The following CLECL1 variants were observed in gnomAD, a reference collection of about 807,000 sequenced individuals.
CLECL1 encodes the protein C-type lectin like 1, also known as C-type lectin-like domain family 1.
At chr12:9,729,313 A>G (rs777095566) in intron 2 of CLECL1, among the ~76,000 whole-genome samples, 4 of 152,112 alleles carry the variant, frequency 2.6e-5, no homozygotes, top group Admixed American at 2.0e-4. Flanking sequence ...CCCAACATCA[A>G]ACTGCACCAG....
upstream of CLECL1, among the ~76,000 whole-genome samples, chr12:9,734,309 C>T (rs10844632): frequency 0.31 from 47,531 of 152,036 alleles, 7,849 homozygotes; most frequent in South Asian, 0.46. Context: ...GCTTGAGCAC[C>T]GACCTCTGTC....
intron 3 of CLECL1, 88 bp from the exon 2 acceptor site, chr12:9,722,901 T>C: frequency 1.1e-6 from 1 of 911,882 alleles, no homozygotes; most frequent in Non-Finnish European, 1.6e-6. Flanking sequence ...AATTTGGTTA[T>C]ATTATGTGCT....
At position 9,722,919 on chromosome 12, in the gene CLECL1, C is replaced by T; in HGVS notation, n.263-106G>A. The T allele has an allele frequency of 8.1e-6, 6 of 737,694 alleles. No individual in the cohort carries two copies. The Admixed American group carries it at 1.8e-4, about 22-fold the overall frequency. The allele number at this position is 737,694 out of a possible 1,614,324, so 45.7% of individuals were successfully genotyped here. Reference sequence around the variant, plus strand: ...TTGGTTATATTATGTGCTAAGCTTTCTTTGAAAAAAGTATGTGCTTTGTTC... The same window carrying T: ...TTGGTTATATTATGTGCTAAGCTTTTTTTGAAAAAAGTATGTGCTTTGTTC... On this transcript the variant is annotated intron_variant and non_coding_transcript_variant, in intron 3 of 3. Coordinates refer to ENST00000621400, the Ensembl canonical transcript of CLECL1.
chr12:9,731,282 T>C (rs1460547059), intron 1 of CLECL1, among the ~76,000 whole-genome samples: 1 of 152,232 alleles, frequency 6.6e-6, no homozygotes, highest in Non-Finnish European at 1.5e-5. Context: ...TATTCAGCCA[T>C]TTATAAATTA....
At chr12:9,706,535 A>G in the CLECL1 span, among the ~76,000 whole-genome samples, 22 of 152,326 alleles carry the variant, frequency 1.4e-4, 1 homozygote, top group African/African-American at 4.3e-4. Context: ...TTCCTTAAAC[A>G]CCAGGTAGAT....
chr12:9,709,231 G>C, the CLECL1 span: 2 of 152,304 alleles, frequency 1.3e-5, no homozygotes, highest in African/African-American at 4.8e-5. Flanking sequence ...GGCAAGCCTA[G>C]AGAATTAAAG....
chr12:9,724,187 AAAAAAAAAAAGAAAAAGAAAAAG>A (rs1866348535), intron 3 of CLECL1, among the ~76,000 whole-genome samples: 1 of 147,566 alleles, frequency 6.8e-6, no homozygotes. Context: ...ACTCCATGAA[AAAAAAAAAAAGAAAAAGAAAAAG>A]AAAAAAAAAG....
chr12:9,731,587 G>A (rs1866448074), intron 1 of CLECL1, among the ~76,000 whole-genome samples: 1 of 152,180 alleles, frequency 6.6e-6, no homozygotes, highest in Non-Finnish European at 1.5e-5. Context: ...TGACGCATGA[G>A]AACAAAAGTT....
chr12:9,718,166 A>G (rs1313178568), downstream of CLECL1, among the ~76,000 whole-genome samples: 1 of 152,016 alleles, frequency 6.6e-6, no homozygotes, highest in Non-Finnish European at 1.5e-5. Flanking sequence ...ATGATTTGAG[A>G]TATACATTTT....
downstream of CLECL1, among the ~76,000 whole-genome samples, chr12:9,717,667 T>C (rs1448373905): frequency 6.6e-6 from 1 of 152,250 alleles, no homozygotes; most frequent in Admixed American, 6.5e-5. Flanking sequence ...GAATTACCTT[T>C]GTACTATGTT....
intron 3 of CLECL1, among the ~76,000 whole-genome samples, chr12:9,725,430 T>C (rs1183472927): frequency 6.6e-6 from 1 of 152,104 alleles, no homozygotes; most frequent in Non-Finnish European, 1.5e-5. Flanking sequence ...AGAGCAACTA[T>C]GTAGCTGAAA....
chr12:9,713,148 C>T (rs1470772528), downstream of CLECL1, among the ~76,000 whole-genome samples: 1 of 152,186 alleles, frequency 6.6e-6, no homozygotes, highest in Non-Finnish European at 1.5e-5. Context: ...GGACTGCATG[C>T]ACCGGTGGTC....
At chr12:9,734,337 ACTCT>A (rs1241048775), upstream of CLECL1, among the ~76,000 whole-genome samples, 6 of 151,848 alleles carry the variant, frequency 4.0e-5, no homozygotes, top group South Asian at 1.3e-3. Flanking sequence ...ACTGCATGAC[ACTCT>A]CTCCCTTTTC....
chr12:9,712,254 A>G (rs1021120525), downstream of CLECL1, among the ~76,000 whole-genome samples: 2 of 152,208 alleles, frequency 1.3e-5, no homozygotes, highest in African/African-American at 4.8e-5. Flanking sequence ...TCTATTCTGC[A>G]CACATTATTT....
At chr12:9,724,578 A>G (rs754667547) in intron 3 of CLECL1, among the ~76,000 whole-genome samples, 66 of 152,328 alleles carry the variant, frequency 4.3e-4, no homozygotes, top group Non-Finnish European at 7.5e-4. Context: ...TTATATAAAA[A>G]CCATCTCTGG....
the CLECL1 span, among the ~76,000 whole-genome samples, chr12:9,706,623 T>C: frequency 2.0e-5 from 3 of 152,232 alleles, no homozygotes; most frequent in African/African-American, 7.2e-5. Context: ...CATGTGGTTT[T>C]TGTCTTTAGT....
chr12:9,703,793 C>T, the CLECL1 span, among the ~76,000 whole-genome samples: 1 of 151,982 alleles, frequency 6.6e-6, no homozygotes, highest in Non-Finnish European at 1.5e-5. Context: ...GAATATCCTG[C>T]TTTAAAACTT....
intron 2 of CLECL1, among the ~76,000 whole-genome samples, chr12:9,729,052 A>G (rs1447710048): frequency 1.3e-5 from 2 of 152,028 alleles, no homozygotes; most frequent in Non-Finnish European, 2.9e-5. Flanking sequence ...CTTTTCCCCA[A>G]GCGTTTATTC....
chr12:9,708,353 C>G, the CLECL1 span, among the ~76,000 whole-genome samples: 3 of 152,230 alleles, frequency 2.0e-5, no homozygotes, highest in Admixed American at 2.0e-4. Context: ...GGGAAGTTAA[C>G]GGTGAAACGA....
Sources: allele counts gnomAD v4.1 joint callset (sites outside exome capture counted in the v4.1 genomes callset), GRCh38; gene constraint gnomAD v4.1.1; transcripts MANE v1.5; gene names NCBI Gene and HGNC (gene_info 2026-07-23, HGNC 2026-07-21).